Variants in CELF2 observed in about 807,000 individuals in gnomAD.
CELF2 encodes the protein CUG triplet repeat RNA-binding protein 2.
A neutral mutation model predicts 62.6 loss-of-function variants in CELF2; 8 were observed. The observed-to-expected ratio is 0.13, with a 90% CI of 0.07 to 0.23. CELF2 has a LOEUF of 0.23. CELF2 is among the 10% of genes least tolerant of loss of function. The probability of loss-of-function intolerance (pLI) is 1.00; values close to 1 mark genes in which losing one functional copy is unlikely to be tolerated. For missense variants in CELF2, 333 were observed against 671.0 expected (o/e 0.50, Z 5.56); for synonymous variants, 258 against 250.0 (o/e 1.03, Z -0.30).
chr10:10,531,242 G>A, the CELF2 span, among the ~76,000 whole-genome samples: 12 of 152,126 alleles, frequency 7.9e-5, no homozygotes, highest in African/African-American at 9.7e-5. Flanking sequence ...GAACACCTAC[G>A]TCAGAAACAA....
At chr10:10,914,745 C>T (rs2064163195) in intron 1 of CELF2, among the ~76,000 whole-genome samples, 1 of 152,326 alleles carries the variant, frequency 6.6e-6, no homozygotes, top group Admixed American at 6.5e-5. Flanking sequence ...TCCATCACCT[C>T]ATTCTACTTC....
chr10:11,250,207 G>A (rs1443725747), intron 4 of CELF2, among the ~76,000 whole-genome samples: 6 of 152,194 alleles, frequency 3.9e-5, no homozygotes, highest in Admixed American at 3.9e-4. Context: ...ACTTGTCAGA[G>A]CTTTCTTCTC....
At chr10:10,774,370 C>G in the CELF2 span, among the ~76,000 whole-genome samples, 1 of 152,142 alleles carries the variant, frequency 6.6e-6, no homozygotes, top group African/African-American at 2.4e-5. Flanking sequence ...GGGTTCCCAC[C>G]CAAACCTCAG....
intron 1 of CELF2, among the ~76,000 whole-genome samples, chr10:10,819,671 A>ATCTTTGACCTGC (rs2056792658): frequency 6.6e-6 from 1 of 151,822 alleles, no homozygotes; most frequent in African/African-American, 2.4e-5. Context: ...CTAGGCCTTT[A>ATCTTTGACCTGC]TCTTTGACCT....
At chr10:11,089,047 G>A (rs1250868779) in intron 1 of CELF2, among the ~76,000 whole-genome samples, 1 of 152,172 alleles carries the variant, frequency 6.6e-6, no homozygotes, top group African/African-American at 2.4e-5. Context: ...CCAGGAGAAA[G>A]CTGTACAGTC....
At chr10:10,903,898 C>G (rs557994297) in intron 1 of CELF2, among the ~76,000 whole-genome samples, 1 of 152,144 alleles carries the variant, frequency 6.6e-6, no homozygotes, top group Non-Finnish European at 1.5e-5. Flanking sequence ...TGCATGCCTG[C>G]ATAGCATAAA....
At chr10:11,208,294 A>C (rs2060925724) in intron 2 of CELF2, among the ~76,000 whole-genome samples, 1 of 151,814 alleles carries the variant, frequency 6.6e-6, no homozygotes, top group African/African-American at 2.4e-5. Context: ...CATCCACAGG[A>C]GAAAAGGCAC....
At chr10:10,511,861 T>G in the CELF2 span, among the ~76,000 whole-genome samples, 88 of 152,246 alleles carry the variant, frequency 5.8e-4, no homozygotes, top group Non-Finnish European at 1.1e-3. Flanking sequence ...TTTTCTTTAT[T>G]GAGGCTACAA....
At chr10:11,073,215 A>G (rs1357264101) in intron 1 of CELF2, among the ~76,000 whole-genome samples, 1 of 152,204 alleles carries the variant, frequency 6.6e-6, no homozygotes. Context: ...TACTGCCCTC[A>G]CTGTAGAAGA....
chr10:10,756,638 T>A, the CELF2 span, among the ~76,000 whole-genome samples: 1 of 152,222 alleles, frequency 6.6e-6, no homozygotes, highest in Non-Finnish European at 1.5e-5. Flanking sequence ...AAATTAACTC[T>A]TGATAATAAT....
At position 11,223,056 on chromosome 10, in the gene CELF2, T is replaced by C. The variant is rs1025936908; in HGVS notation, c.354+5549T>C. Among the ~76,000 whole-genome samples, 1 of 152,250 alleles carries C rather than the reference T, an allele frequency of 6.6e-6. No individual in the cohort carries two copies. Among genetic ancestry groups the C allele is most frequent in the African/African-American group, 2.4e-5 (1 of 41,464 alleles). ...GTCTCAATTACTTTGTAGCGAACTTTCTTATTTGAGGCTTCACCAACGATC... is the reference window on the plus strand; with the variant it reads ...GTCTCAATTACTTTGTAGCGAACTTCCTTATTTGAGGCTTCACCAACGATC... On this transcript the variant is annotated intron_variant, in intron 3 of 12. Coordinates refer to ENST00000633077, the MANE Select transcript of CELF2 (RefSeq NM_001326342.2). This position sits in a 1 kb window ranked among gnomAD's most constrained non-coding sequence, Gnocchi z 5.1.
intron 1 of CELF2, among the ~76,000 whole-genome samples, chr10:10,892,981 T>G (rs1273585065): frequency 6.6e-6 from 1 of 152,262 alleles, no homozygotes; most frequent in Non-Finnish European, 1.5e-5. Flanking sequence ...ATCATTTTTT[T>G]GTCATCCTTC....
At chr10:11,106,054 A>G (rs1189028284) in intron 1 of CELF2, among the ~76,000 whole-genome samples, 2 of 152,236 alleles carry the variant, frequency 1.3e-5, no homozygotes, top group Non-Finnish European at 2.9e-5. Context: ...CAGAGAAATG[A>G]TGAAAAGTTT....
At chr10:11,055,650 T>C (rs1453742131) in intron 1 of CELF2, among the ~76,000 whole-genome samples, 2 of 152,242 alleles carry the variant, frequency 1.3e-5, no homozygotes, top group Non-Finnish European at 2.9e-5. Flanking sequence ...TGGAAAGACA[T>C]TCTTTGCTAA....
intron 1 of CELF2, among the ~76,000 whole-genome samples, chr10:11,109,943 C>T (rs939181485): frequency 1.7e-4 from 26 of 152,040 alleles, no homozygotes; most frequent in African/African-American, 2.9e-4. Flanking sequence ...CATGATGTTT[C>T]GTATTTTAAT....
chr10:10,817,187 GT>G (rs1241623232), intron 1 of CELF2, among the ~76,000 whole-genome samples: 4 of 152,046 alleles, frequency 2.6e-5, no homozygotes, highest in African/African-American at 4.8e-5. Flanking sequence ...TAACATGAGG[GT>G]TTTTTTCCTT....
chr10:11,120,745 A>G (rs7083052), intron 1 of CELF2, among the ~76,000 whole-genome samples: 11,786 of 152,142 alleles, frequency 0.077, 576 homozygotes, highest in African/African-American at 0.13. Flanking sequence ...AGCCCTTGCA[A>G]CCCATCCATG....
the CELF2 span, among the ~76,000 whole-genome samples, chr10:10,537,152 T>A: frequency 1.9e-4 from 29 of 152,130 alleles, no homozygotes; most frequent in Admixed American, 1.8e-3. Flanking sequence ...AGTCTCCTTC[T>A]AGCATGGAAG....
chr10:11,144,498 T>G (rs1313595647), intron 1 of CELF2, among the ~76,000 whole-genome samples: 1 of 151,806 alleles, frequency 6.6e-6, no homozygotes, highest in Non-Finnish European at 1.5e-5. Context: ...GCTCCTGTGT[T>G]GAATTGGTGT....
Sources: allele counts gnomAD v4.1 joint callset (sites outside exome capture counted in the v4.1 genomes callset), GRCh38; gene constraint gnomAD v4.1.1; non-coding constraint Gnocchi (gnomAD v3.1); transcripts MANE v1.5; gene names NCBI Gene and HGNC (gene_info 2026-07-23, HGNC 2026-07-21).